Variants in ELMO1 observed in about 807,000 individuals in gnomAD.
The protein encoded by ELMO1 is engulfment and cell motility protein 1.
A neutral mutation model predicts 98.9 loss-of-function variants in ELMO1; 26 were observed. That is an observed-to-expected ratio of 0.26 (90% CI 0.19 to 0.36). ELMO1 has a LOEUF of 0.36. ELMO1 is among the 10% of genes least tolerant of loss of function. ELMO1 has a pLI of 1.00. For missense variants in ELMO1, 627 were observed against 935.2 expected, an observed-to-expected ratio of 0.67 and a Z score of 4.30; for synonymous variants, 346 against 346.0, an observed-to-expected ratio of 1.00 and a Z score of 0.00.
chr7:37,440,370 A>G (rs1562693797), intron 1 of ELMO1, among the ~76,000 whole-genome samples: 1 of 151,532 alleles, frequency 6.6e-6, no homozygotes, highest in Non-Finnish European at 1.5e-5. Context: ...TGAACCCAAG[A>G]GGCAGAGGTT....
chr7:37,422,965 C>A (rs182861823), intron 1 of ELMO1, among the ~76,000 whole-genome samples: 122 of 152,306 alleles, frequency 8.0e-4, no homozygotes, highest in African/African-American at 2.9e-3. Flanking sequence ...TGTATTGTTA[C>A]CCTCATTTTA....
intron 2 of ELMO1, among the ~76,000 whole-genome samples, chr7:37,328,216 T>G (rs1262161456): frequency 1.3e-5 from 2 of 151,528 alleles, no homozygotes; most frequent in Non-Finnish European, 2.9e-5. Context: ...ACCTCATCAC[T>G]ACAAAAAATA....
intron 16 of ELMO1, among the ~76,000 whole-genome samples, chr7:36,900,519 C>T (rs560648858): frequency 3.3e-5 from 5 of 152,294 alleles, no homozygotes; most frequent in African/African-American, 9.6e-5. Context: ...TTTCACAAAG[C>T]CAAAGAACAA....
chr7:37,428,017 G>T (rs1170010089), intron 1 of ELMO1, among the ~76,000 whole-genome samples: 1 of 128,606 alleles, frequency 7.8e-6, no homozygotes, highest in African/African-American at 2.9e-5. Context: ...CTACATGAAG[G>T]ATGTATGCTT....
At chr7:36,910,975 G>GA (rs1332419492) in intron 16 of ELMO1, among the ~76,000 whole-genome samples, 1 of 152,126 alleles carries the variant, frequency 6.6e-6, no homozygotes, top group Non-Finnish European at 1.5e-5. Context: ...AAGCTTGTGA[G>GA]AAAATGCCTT....
intron 13 of ELMO1, among the ~76,000 whole-genome samples, chr7:37,195,879 T>C (rs1791934380): frequency 6.6e-6 from 1 of 152,202 alleles, no homozygotes; most frequent in Admixed American, 6.5e-5. Context: ...AAGGAAAAGC[T>C]TTAGTATATG....
Position 37,276,209 on chromosome 7 carries a change from C to T in ELMO1, c.193-4327G>A, listed in dbSNP as rs191881306. Among the ~76,000 whole-genome samples the T allele has an allele frequency of 1.2e-3, 184 of 152,204 alleles. 3 individuals carry two copies. In the South Asian group the frequency reaches 0.021, roughly 17 times the overall value. On this transcript the variant is annotated intron_variant, in intron 4 of 21. Coordinates refer to ENST00000310758, the MANE Select transcript of ELMO1 (RefSeq NM_014800.11). ...GTTCTGAGGACCAAGTGAGATAATC[C>T]ATTTAAAGTCCTTAAAACAGCCTGG... is the stretch of plus-strand genomic sequence containing the variant.
rs140209492 is a variant in ELMO1, at chr7:37,424,959, C to T, written c.-74+23716G>A. Among the ~76,000 whole-genome samples the T allele has an allele frequency of 1.4e-3, 214 of 152,122 alleles. 1 individual carries two copies. Among genetic ancestry groups the T allele is most frequent in the African/African-American group, 5.1e-3 (210 of 41,494 alleles). The stretch of plus-strand genomic sequence containing the variant: ...CTTATTCAACGAATATTTATTGAGG[C>T]TGTGTTATCACTGCCTCATACTAGA... On this transcript the variant is annotated intron_variant, in intron 1 of 21. Coordinates refer to ENST00000310758, the MANE Select transcript of ELMO1 (RefSeq NM_014800.11).
intron 16 of ELMO1, among the ~76,000 whole-genome samples, chr7:36,959,491 AAAG>A (rs1269207528): frequency 3.3e-5 from 5 of 152,042 alleles, no homozygotes; most frequent in Non-Finnish European, 7.4e-5. Context: ...ACTTTGAACT[AAAG>A]AAGCAGCCTC....
At chr7:37,087,142 T>C (rs1783832093) in intron 15 of ELMO1, among the ~76,000 whole-genome samples, 1 of 152,206 alleles carries the variant, frequency 6.6e-6, no homozygotes, top group African/African-American at 2.4e-5. Context: ...ATTGCTGACA[T>C]ATGGAACATC....
At chr7:36,911,608 A>ATGATGC (rs1562817706) in intron 16 of ELMO1, among the ~76,000 whole-genome samples, 1 of 152,184 alleles carries the variant, frequency 6.6e-6, no homozygotes, top group South Asian at 2.1e-4. Flanking sequence ...GCACAGAGAA[A>ATGATGC]TGATGCTGTT....
At chr7:37,125,232 A>G (rs959576419) in intron 14 of ELMO1, among the ~76,000 whole-genome samples, 6 of 152,182 alleles carry the variant, frequency 3.9e-5, no homozygotes, top group East Asian at 1.9e-4. Flanking sequence ...ACGGGCAAGG[A>G]CTTCATGTCT....
intron 6 of ELMO1, among the ~76,000 whole-genome samples, chr7:37,256,156 T>TA (rs1329819158): frequency 2.0e-5 from 3 of 152,160 alleles, no homozygotes; most frequent in Non-Finnish European, 4.4e-5. Flanking sequence ...AGCTCCAGCT[T>TA]ACAGTAACCA....
intron 16 of ELMO1, among the ~76,000 whole-genome samples, chr7:36,995,078 A>G (rs986421860): frequency 7.9e-5 from 12 of 152,260 alleles, no homozygotes; most frequent in African/African-American, 2.9e-4. Flanking sequence ...AATGATTGTA[A>G]GATAATACAT....
rs1338583491 is a variant in ELMO1, at chr7:37,133,136, G to A, written c.1185C>T (p.Tyr395=). ...LYFAKHHQDA[Y]IRIVLENSSR... is the part of the protein sequence containing the mutation. Reference sequence around the variant, plus strand: ...AAAGGGGCTTCTTGCTTACCCGGATGTAGGCATCTTGGTGGTGCTTGGCAA... The same window carrying A: ...AAAGGGGCTTCTTGCTTACCCGGATATAGGCATCTTGGTGGTGCTTGGCAA... The change falls in exon 14 of 22, where the codon TAC becomes TAT. Residue 395 remains tyrosine, a synonymous_variant. Transcript: ENST00000310758. 4.4e-6 allele frequency: 7 copies of A among 1,608,206 alleles called. No homozygotes were observed. The highest frequency in any genetic ancestry group is 2.7e-5 in the African/African-American group (2 of 74,570).
chr7:37,145,911 T>C (rs935783633), intron 13 of ELMO1, among the ~76,000 whole-genome samples: 4 of 152,186 alleles, frequency 2.6e-5, no homozygotes, highest in Non-Finnish European at 5.9e-5. Flanking sequence ...AGAGGTCATC[T>C]AGGAACTCTG....
chr7:37,334,489 T>C (rs77195930), intron 2 of ELMO1, among the ~76,000 whole-genome samples: 2,303 of 152,254 alleles, frequency 0.015, 53 homozygotes, highest in African/African-American at 0.053. Flanking sequence ...GTTTTGGTGT[T>C]ATACAGTGCT....
At chr7:37,066,920 T>C (rs896416583) in intron 15 of ELMO1, among the ~76,000 whole-genome samples, 2 of 152,206 alleles carry the variant, frequency 1.3e-5, no homozygotes, top group African/African-American at 4.8e-5. Flanking sequence ...CCACTTGCAT[T>C]ACCCAGCTAA....
At position 37,391,046 on chromosome 7, in the gene ELMO1, TCCTTCCTTCCTTCCTC is replaced by T. The variant is rs879583486; in HGVS notation, c.-73-48299_-73-48284del. The stretch of plus-strand genomic sequence containing the variant: ...TTCCTTCCTTCCTTCCTTCCTTCCT[TCCTTCCTTCCTTCCTC>T]CCTCCCTCCCTCTCTCCCTCCCTCT... On this transcript the variant is annotated intron_variant, in intron 1 of 21. Transcript: ENST00000310758. Among the ~76,000 whole-genome samples, 659 of 148,310 alleles carry T rather than the reference TCCTTCCTTCCTTCCTC, an allele frequency of 4.4e-3. 10 individuals carry two copies. The highest frequency in any genetic ancestry group is 0.039 in the Admixed American group (580 of 14,982).
Sources: gnomAD v4.1 joint callset for allele counts (sites outside exome capture counted in the v4.1 genomes callset) on GRCh38, gnomAD v4.1.1 for gene constraint, MANE v1.5 for transcripts, NCBI Gene and HGNC (gene_info 2026-07-23, HGNC 2026-07-21) for gene names.